The following RNF220 variants were observed in gnomAD, a reference collection of about 807,000 sequenced individuals.
RNF220 encodes the protein ring finger protein 220.
A neutral mutation model predicts 67.1 loss-of-function variants in RNF220; 7 were observed. That is an observed-to-expected ratio of 0.10 (90% confidence interval 0.06 to 0.20). The LOEUF (loss-of-function observed/expected upper bound fraction) is 0.20, where lower values mean the gene tolerates loss of function less well. Ranked by LOEUF, RNF220 falls within the 10% of genes least tolerant of loss-of-function variation. The pLI is 1.00. For missense variants in RNF220, 565 were observed against 740.3 expected (o/e 0.76, Z 2.75); for synonymous variants, 270 against 283.2 (o/e 0.95, Z 0.47).
At chr1:44,571,185 C>T (rs1225670715) in intron 2 of RNF220, among the ~76,000 whole-genome samples, 2 of 152,174 alleles carry the variant, frequency 1.3e-5, no homozygotes, top group East Asian at 3.8e-4. Context: ...CCTACAAGAC[C>T]CTACAGTCTG....
At chr1:44,521,687 C>T (rs1659954010) in intron 2 of RNF220, among the ~76,000 whole-genome samples, 1 of 152,176 alleles carries the variant, frequency 6.6e-6, no homozygotes, top group Non-Finnish European at 1.5e-5. Context: ...ACATGGATCG[C>T]TCGTACAGAA....
intron 2 of RNF220, among the ~76,000 whole-genome samples, chr1:44,604,889 G>A (rs995200444): frequency 2.6e-5 from 4 of 152,254 alleles, no homozygotes; most frequent in Admixed American, 2.0e-4. Context: ...GCAAGGGTAT[G>A]TAGCCATGAA....
At position 44,405,455 on chromosome 1, in the gene RNF220, A is replaced by T. The variant is rs1572391192; in HGVS notation, c.-193A>T. The stretch of plus-strand genomic sequence containing the variant: ...CGGCTCTGCGAACCCGGGACTTTTC[A>T]TGCACCACACTCTCCGCCTGCTTCC... On this transcript the variant is annotated 5_prime_UTR_variant, in exon 1 of 15. The change abolishes an upstream ATG in the 5' untranslated region. Coordinates refer to ENST00000361799, the MANE Select transcript of RNF220 (RefSeq NM_018150.4). The T allele has an allele frequency of 3.4e-6, 2 of 594,440 alleles. No homozygotes were observed. Among genetic ancestry groups the T allele is most frequent in the Non-Finnish European group, 6.0e-6 (2 of 332,772 alleles). The allele number at this position is 594,440 out of a possible 1,614,324, so 36.8% of individuals were successfully genotyped here.
chr1:44,470,434 G>A (rs1654701354), intron 2 of RNF220, among the ~76,000 whole-genome samples: 1 of 152,182 alleles, frequency 6.6e-6, no homozygotes, highest in South Asian at 2.1e-4. Context: ...GTAGCTAGTA[G>A]TGGAATATAC....
chr1:44,632,567 A>G, intron 6 of RNF220, 182 bp downstream of exon 6: 1 of 648,722 alleles, frequency 1.5e-6, no homozygotes, highest in Admixed American at 2.5e-5. Flanking sequence ...CGTCTGTCTA[A>G]TGGAGGTATG....
chr1:44,579,969 G>A (rs1334811886), intron 2 of RNF220, among the ~76,000 whole-genome samples: 2 of 136,128 alleles, frequency 1.5e-5, no homozygotes, highest in African/African-American at 5.4e-5. Flanking sequence ...GGCAGAGGTT[G>A]CAGTGAGCCA....
chr1:44,580,030 C>CAAAAAAAAAAAAAAAAA (rs61499825), intron 2 of RNF220, among the ~76,000 whole-genome samples: 30 of 65,228 alleles, frequency 4.6e-4, no homozygotes, highest in Non-Finnish European at 5.7e-4. Flanking sequence ...CCCTGTCTCA[C>CAAAAAAAAAAAAAAAAA]AAAAAAAAAA....
In RNF220 at chr1:44,501,045, TGTGGGG is replaced by T. The variant is rs542483712; in HGVS notation, c.625+88344_625+88349del. Reference sequence around the variant, plus strand: ...ACAAGGCCTCCAGGCTGCAGAAGGCTGTGGGGGTGGGGGTGGGGGTGGGGGTATCGG... The same window carrying T: ...ACAAGGCCTCCAGGCTGCAGAAGGCTGTGGGGGTGGGGGTGGGGGTATCGG... On this transcript the variant is annotated intron_variant, in intron 2 of 14. Transcript: ENST00000361799. Among the ~76,000 whole-genome samples, 16 of 63,264 alleles carry T rather than the reference TGTGGGG, an allele frequency of 2.5e-4. No individual in the cohort carries two copies. The South Asian group carries it at 7.8e-3, about 31-fold the overall frequency. The allele number at this position is 63,264 out of a possible 152,430, so 41.5% of individuals were successfully genotyped here. A position where few individuals can be genotyped will look rare whatever the true frequency, so the allele number is the denominator to read the frequency against.
chr1:44,503,504 C>T (rs1658128757), intron 2 of RNF220, among the ~76,000 whole-genome samples: 1 of 152,142 alleles, frequency 6.6e-6, no homozygotes, highest in South Asian at 2.1e-4. Context: ...TCCATGCCCA[C>T]ACTGCCCTCA....
Position 44,622,240 on chromosome 1 carries a change from G to A in RNF220, c.759-502G>A, listed in dbSNP as rs1266087973. On this transcript the variant is annotated intron_variant, in intron 3 of 14. Coordinates refer to ENST00000361799, the MANE Select transcript of RNF220 (RefSeq NM_018150.4). The surrounding 1 kb of genome is among the most constrained non-coding windows in gnomAD (Gnocchi z 4.3). ...GGCCCAGCTCCCGCCTGCCTGCCGCGCCCGATGCCGGAGGGCCTGGGGCTG... is the reference window on the plus strand; with the variant it reads ...GGCCCAGCTCCCGCCTGCCTGCCGCACCCGATGCCGGAGGGCCTGGGGCTG... 2.0e-5 allele frequency among the ~76,000 whole-genome samples: 3 copies of A among 152,112 alleles called. No individual in the cohort carries two copies. The highest frequency in any genetic ancestry group is 2.9e-5 in the Non-Finnish European group (2 of 68,014).
At chr1:44,492,935 T>TA (rs1553230914) in intron 2 of RNF220, among the ~76,000 whole-genome samples, 1 of 151,950 alleles carries the variant, frequency 6.6e-6, no homozygotes, top group Non-Finnish European at 1.5e-5. Context: ...TTTTTTTTTT[T>TA]TATATATGGA....
At chr1:44,638,378 A>G (rs72671954) in intron 8 of RNF220, 1 of 152,226 alleles carries the variant, frequency 6.6e-6, no homozygotes, top group Non-Finnish European at 1.5e-5. Flanking sequence ...GCTGCCCAGC[A>G]GACTTCAGAG....
At chr1:44,552,044 A>C (rs1477874300) in intron 2 of RNF220, among the ~76,000 whole-genome samples, 1 of 152,220 alleles carries the variant, frequency 6.6e-6, no homozygotes, top group Non-Finnish European at 1.5e-5. Context: ...ATATGCCACC[A>C]AACCGTGGAC....
rs141654918 is a variant in RNF220 at position 44,545,069 on chromosome 1, G to A, written c.626-69096G>A. Among the ~76,000 whole-genome samples the A allele has an allele frequency of 1.8e-3, 276 of 152,370 alleles. 3 individuals are homozygous for A. The highest frequency in any genetic ancestry group is 0.012 in the South Asian group (56 of 4,828). ...TCCTTGCCCTTGAGGAGCTTACGCC[G>A]TAGTTCTCTAGGAAGGCAAGCGGGA... On this transcript the variant is annotated intron_variant, in intron 2 of 14. Coordinates refer to ENST00000361799, the MANE Select transcript of RNF220 (RefSeq NM_018150.4).
intron 2 of RNF220, among the ~76,000 whole-genome samples, chr1:44,460,520 C>T (rs563634759): frequency 7.9e-5 from 12 of 152,262 alleles, no homozygotes; most frequent in Admixed American, 2.0e-4. Context: ...GCTGATTCTG[C>T]GAAGGGTAGG....
intron 3 of RNF220, among the ~76,000 whole-genome samples, chr1:44,616,769 C>T (rs1286774338): frequency 6.6e-6 from 1 of 152,160 alleles, no homozygotes; most frequent in East Asian, 1.9e-4. Flanking sequence ...GCTAGAGGAG[C>T]ATGCCCAGCC....
At chr1:44,441,742 A>G (rs1651579863) in intron 2 of RNF220, among the ~76,000 whole-genome samples, 1 of 152,232 alleles carries the variant, frequency 6.6e-6, no homozygotes, top group Non-Finnish European at 1.5e-5. Context: ...AGACATGATA[A>G]GAGGAGTCAG....
At chr1:44,570,558 G>A (rs1437357455) in intron 2 of RNF220, among the ~76,000 whole-genome samples, 2 of 152,112 alleles carry the variant, frequency 1.3e-5, no homozygotes, top group Admixed American at 6.5e-5. Context: ...GGCTAAAGCC[G>A]AAGTCTCCTC....
chr1:44,503,612 T>C (rs1217055968), intron 2 of RNF220, among the ~76,000 whole-genome samples: 2 of 152,166 alleles, frequency 1.3e-5, no homozygotes, highest in African/African-American at 4.8e-5. Context: ...CTCTGCCACA[T>C]CACCTCCCAC....
Sources: allele counts gnomAD v4.1 joint callset (sites outside exome capture counted in the v4.1 genomes callset), GRCh38; gene constraint gnomAD v4.1.1; non-coding constraint Gnocchi (gnomAD v3.1); transcripts MANE v1.5; gene names NCBI Gene and HGNC (gene_info 2026-07-23, HGNC 2026-07-21).